Variants in S100A7A observed in about 807,000 individuals in gnomAD.
The protein encoded by S100A7A is S100 calcium binding protein A7A.
S100A7A carries 5 observed loss-of-function variants against 4.0 expected under a neutral mutation model. The observed-to-expected ratio is 1.26, with a 90% CI of 0.66 to 2.66. S100A7A has a LOEUF of 2.66. Among genes scored for constraint, S100A7A ranks in the 30% most tolerant of loss-of-function variants. The probability of loss-of-function intolerance (pLI) is 0.01; values close to 1 mark genes in which losing one functional copy is unlikely to be tolerated. For missense variants in S100A7A, 159 were observed against 125.1 expected (o/e 1.27, Z -1.29); for synonymous variants, 52 against 46.4 (o/e 1.12, Z -0.49).
rs942767986 is a variant in S100A7A at position 153,421,806 on chromosome 1, T to C, written c.*2497T>C. 7 of 152,228 alleles carry C rather than the reference T, an allele frequency of 4.6e-5. No homozygotes were observed. The highest frequency in any genetic ancestry group is 1.7e-4 in the African/African-American group (7 of 41,462). The allele number at this position is 152,228 out of a possible 1,614,324, so 9.4% of individuals were successfully genotyped here. ...CCTGCCCTCCCTTTATTTTTCCAGT[T>C]CTTATTTCACCTGATAATATTCCGT... is the stretch of plus-strand genomic sequence containing the variant. On this transcript the variant is annotated 3_prime_UTR_variant, in exon 3 of 3. Transcript: ENST00000368729.
Position 153,422,185 on chromosome 1 carries a change from T to C in S100A7A, c.*2876T>C, listed in dbSNP as rs1662914540. 1 of 152,214 alleles carries C rather than the reference T, an allele frequency of 6.6e-6. No individual in the cohort carries two copies. Among genetic ancestry groups the C allele is most frequent in the Non-Finnish European group, 1.5e-5 (1 of 68,032 alleles). The allele number at this position is 152,214 out of a possible 1,614,324, so 9.4% of individuals were successfully genotyped here. On this transcript the variant is annotated 3_prime_UTR_variant, in exon 3 of 3. Coordinates refer to ENST00000368729, the MANE Select transcript of S100A7A (RefSeq NM_176823.4). Reference sequence around the variant, plus strand: ...AGGTGGCTTATAGAACAGAAGCAGATGGATATGAAGAGGAGAGGGGACCAG... The same window carrying C: ...AGGTGGCTTATAGAACAGAAGCAGACGGATATGAAGAGGAGAGGGGACCAG...
intron 1 of S100A7A, chr1:153,417,278 A>T (rs1662747816): frequency 6.6e-6 from 1 of 152,196 alleles, no homozygotes; most frequent in African/African-American, 2.4e-5. Context: ...TGCTTTGGAA[A>T]GTCAGACATT....
rs201040373 is a variant in S100A7A at position 153,418,125 on chromosome 1, G to A, written c.43G>A (p.Asp15Asn). ...QAERSIIGMIDMFHKYTGRDG... is the reference protein window; with the variant it reads ...QAERSIIGMINMFHKYTGRDG... ...TGAGAGGTCCATAATAGGCATGATC[G>A]ACATGTTTCACAAATACACCGGACG... The change falls in exon 2 of 3, where the codon GAC becomes AAC. Residue 15 changes from aspartate (D) to asparagine (N), a missense_variant. Asp to Asn is a conservative substitution (Grantham distance 23). Transcript: ENST00000368729. 4.6e-4 allele frequency: 742 copies of A among 1,614,088 alleles called. No homozygotes were observed. Among genetic ancestry groups the A allele is most frequent in the Non-Finnish European group, 5.8e-4 (690 of 1,180,000 alleles).
chr1:153,417,519 C>T (rs142491350), intron 1 of S100A7A, among the ~76,000 whole-genome samples: 28 of 152,320 alleles, frequency 1.8e-4, no homozygotes, highest in African/African-American at 5.3e-4. Context: ...CTCATGTCCA[C>T]GCTCACATGT....
intron 2 of S100A7A, 92 bp downstream of exon 2, chr1:153,418,315 C>T (rs1168828662): frequency 6.6e-7 from 1 of 1,526,482 alleles, no homozygotes; most frequent in Non-Finnish European, 8.9e-7. Context: ...TCACCCTCAT[C>T]CTCTGATTAA....
At position 153,423,148 on chromosome 1, in the gene S100A7A, T is replaced by C. The variant is rs1419621168; in HGVS notation, c.*3839T>C. On this transcript the variant is annotated 3_prime_UTR_variant, in exon 3 of 3. Coordinates refer to ENST00000368729, the MANE Select transcript of S100A7A (RefSeq NM_176823.4). ...GCCTTAATATTATTGGATTAAAGAA[T>C]TACTGCCTCTCACTAGGAGCATCAT... The C allele has an allele frequency of 6.6e-6, 1 of 152,226 alleles. No homozygotes were observed. The highest frequency in any genetic ancestry group is 1.9e-4 in the East Asian group (1 of 5,202). The allele number at this position is 152,226 out of a possible 1,614,324, so 9.4% of individuals were successfully genotyped here. A position where few individuals can be genotyped will look rare whatever the true frequency, so the allele number is the denominator to read the frequency against.
chr1:153,417,255 T>C (rs994128856), intron 1 of S100A7A: 1 of 152,300 alleles, frequency 6.6e-6, no homozygotes, highest in Non-Finnish European at 1.5e-5. Flanking sequence ...GGCTGGCTAC[T>C]GGCTGGAAGA....
In S100A7A at chr1:153,419,327, G is replaced by A. The variant is rs373962251; in HGVS notation, c.*18G>A. The A allele has an allele frequency of 6.2e-7, 1 of 1,609,848 alleles. No homozygotes were observed. Among genetic ancestry groups the A allele is most frequent in the Non-Finnish European group, 8.5e-7 (1 of 1,178,370 alleles). ...GCCAGTGATCCAGCCCCACCAAGGGGCCTCCAGAGACCCCAGGAACAATAA... is the reference window on the plus strand; with the variant it reads ...GCCAGTGATCCAGCCCCACCAAGGGACCTCCAGAGACCCCAGGAACAATAA... On this transcript the variant is annotated 3_prime_UTR_variant, in exon 3 of 3. Transcript: ENST00000368729.
At position 153,419,314 on chromosome 1, in the gene S100A7A, G is replaced by T; in HGVS notation, c.*5G>T. The T allele has an allele frequency of 6.2e-7, 1 of 1,613,194 alleles. No individual in the cohort carries two copies. Among genetic ancestry groups the T allele is most frequent in the Non-Finnish European group, 8.5e-7 (1 of 1,179,596 alleles). Reference sequence around the variant, plus strand: ...TGTTCTGGGGGAAGCCAGTGATCCAGCCCCACCAAGGGGCCTCCAGAGACC... The same window carrying T: ...TGTTCTGGGGGAAGCCAGTGATCCATCCCCACCAAGGGGCCTCCAGAGACC... On this transcript the variant is annotated 3_prime_UTR_variant, in exon 3 of 3. Coordinates refer to ENST00000368729, the MANE Select transcript of S100A7A (RefSeq NM_176823.4).
rs1021357292 is a variant in S100A7A, at chr1:153,421,711, T to G, written c.*2402T>G. On this transcript the variant is annotated 3_prime_UTR_variant, in exon 3 of 3. Coordinates refer to ENST00000368729, the MANE Select transcript of S100A7A (RefSeq NM_176823.4). ...CTCCCAAAAGAAGAGAGGGTCTCCC[T>G]GGGGTGGGGTTGCTGGACCTTCAAT... 5.9e-5 allele frequency: 9 copies of G among 152,230 alleles called. No homozygotes were observed. Among genetic ancestry groups the G allele is most frequent in the African/African-American group, 2.2e-4 (9 of 41,450 alleles). 9.4% of individuals were successfully genotyped at this position (152,230 alleles called of 1,614,324 possible). A position where few individuals can be genotyped will look rare whatever the true frequency, so the allele number is the denominator to read the frequency against.
In S100A7A at chr1:153,419,189, G is replaced by A; in HGVS notation, c.186G>A (p.Lys62=). Residue 62 remains lysine (K), a synonymous_variant, in exon 3 of 3, where the codon AAG becomes AAA. Transcript: ENST00000368729. ...IHYLATVFEK[K]DKNEDKKIDF... ...ACCTCGCCACTGTCTTTGAGAAAAA[G>A]GACAAGAATGAGGATAAGAAGATTG... 6.2e-7 allele frequency: 1 copy of A among 1,614,160 alleles called. No individual in the cohort carries two copies. The highest frequency in any genetic ancestry group is 8.5e-7 in the Non-Finnish European group (1 of 1,180,018).
In S100A7A at chr1:153,418,246, A is replaced by T. The variant is rs367869712; in HGVS notation, c.141+23A>T. 4.3e-6 allele frequency: 7 copies of T among 1,613,600 alleles called. No homozygotes were observed. The African/African-American group carries it at 9.3e-5, about 22-fold the overall frequency. On this transcript the variant is annotated intron_variant, in intron 2 of 2. Transcript: ENST00000368729. ...TGTGTGAGTTGGGGTCTAGCTTCTC[A>T]ATGTTGGTTGGACCCTGGCATGGCT... is the stretch of plus-strand genomic sequence containing the variant.
At chr1:153,418,022 T>G in intron 1 of S100A7A, 44 bp from the exon 2 acceptor site, 1 of 1,606,382 alleles carries the variant, frequency 6.2e-7, no homozygotes, top group Non-Finnish European at 8.5e-7. Flanking sequence ...ATAGAGACCT[T>G]AATTCAAACT....
In S100A7A at chr1:153,419,842, G is replaced by C. The variant is rs1165356097; in HGVS notation, c.*533G>C. On this transcript the variant is annotated 3_prime_UTR_variant, in exon 3 of 3. Coordinates refer to ENST00000368729, the MANE Select transcript of S100A7A (RefSeq NM_176823.4). ...GCGCCCTTGGGGCTATGAATGGGAG[G>C]CTCAGCAGTGCCCTGAGGATGGGCT... 6.5e-6 allele frequency: 1 copy of C among 154,496 alleles called. No homozygotes were observed. Among genetic ancestry groups the C allele is most frequent in the Non-Finnish European group, 1.4e-5 (1 of 69,714 alleles). 9.6% of individuals were successfully genotyped at this position (154,496 alleles called of 1,614,324 possible).
intron 2 of S100A7A, among the ~76,000 whole-genome samples, chr1:153,418,697 T>C (rs146368837): frequency 9.2e-5 from 14 of 152,264 alleles, no homozygotes; most frequent in East Asian, 7.7e-4. Context: ...AGGGTCTAGA[T>C]GACCAAGAGT....
chr1:153,418,195 A>G lies in S100A7A; in HGVS notation c.113A>G (p.Glu38Gly). 1 of 1,614,026 alleles carries G rather than the reference A, an allele frequency of 6.2e-7. No homozygotes were observed. Among genetic ancestry groups the G allele is most frequent in the Non-Finnish European group, 8.5e-7 (1 of 1,179,910 alleles). Residue 38 changes from glutamate (E) to glycine (G), a missense_variant, in exon 2 of 3, where the codon GAG becomes GGG. Transcript: ENST00000368729. Reference sequence around the variant, plus strand: ...CCAAGCCTGCTGACGATGATGAAGGAGAACTTCCCCAATTTCCTCAGTGCC... The same window carrying G: ...CCAAGCCTGCTGACGATGATGAAGGGGAACTTCCCCAATTTCCTCAGTGCC... ...EKPSLLTMMK[E>G]NFPNFLSACD... is the part of the protein sequence containing the mutation.
chr1:153,417,250 G>C (rs1232374363), intron 1 of S100A7A: 1 of 152,322 alleles, frequency 6.6e-6, no homozygotes, highest in African/African-American at 2.4e-5. Flanking sequence ...GCCCAGGCTG[G>C]CTACTGGCTG....
rs562042952 is a variant in S100A7A, at chr1:153,422,364, G to A, written c.*3055G>A. The A allele has an allele frequency of 1.5e-5, 4 of 267,732 alleles. No homozygotes were observed. In the Admixed American group the frequency reaches 2.6e-4, roughly 17 times the overall value. 16.6% of individuals were successfully genotyped at this position (267,732 alleles called of 1,614,324 possible). Reference sequence around the variant, plus strand: ...GGACATTTTAGAGCAAGGCCTAAGGGCACAGGTATTAGTGTCATATTGATC... The same window carrying A: ...GGACATTTTAGAGCAAGGCCTAAGGACACAGGTATTAGTGTCATATTGATC... On this transcript the variant is annotated 3_prime_UTR_variant, in exon 3 of 3. Coordinates refer to ENST00000368729, the MANE Select transcript of S100A7A (RefSeq NM_176823.4).
Position 153,419,199 on chromosome 1 carries a change from G to A in S100A7A, c.196G>A (p.Glu66Lys). The A allele has an allele frequency of 6.2e-7, 1 of 1,614,212 alleles. No individual in the cohort carries two copies. Among genetic ancestry groups the A allele is most frequent in the Non-Finnish European group, 8.5e-7 (1 of 1,180,036 alleles). ...TGTCTTTGAGAAAAAGGACAAGAAT[G>A]AGGATAAGAAGATTGATTTTTCTGA... Reference protein sequence around the residue: ...ATVFEKKDKNEDKKIDFSEFL... With the variant: ...ATVFEKKDKNKDKKIDFSEFL... The change falls in exon 3 of 3, where the codon GAG becomes AAG. Residue 66 changes from glutamate (E) to lysine (K), a missense_variant. By Grantham distance (56) the Glu-to-Lys change is moderately conservative. Coordinates refer to ENST00000368729, the MANE Select transcript of S100A7A (RefSeq NM_176823.4).
Sources: allele counts gnomAD v4.1 joint callset (sites outside exome capture counted in the v4.1 genomes callset), GRCh38; gene constraint gnomAD v4.1.1; transcripts MANE v1.5; gene names NCBI Gene and HGNC (gene_info 2026-07-23, HGNC 2026-07-21).